The following PLAC8L1 variants were observed in gnomAD, a reference collection of about 807,000 sequenced individuals.
PLAC8L1 encodes PLAC8-like protein 1.
A neutral mutation model predicts 16.3 loss-of-function variants in PLAC8L1; 13 were observed. The ratio of observed to expected loss-of-function variants is 0.80; its 90% CI spans 0.52 to 1.27. The LOEUF (loss-of-function observed/expected upper bound fraction) is 1.27, where lower values mean the gene tolerates loss of function less well. Ranked by LOEUF, PLAC8L1 falls within the 50% of genes most tolerant of loss-of-function variation. The pLI is 0.00. For missense variants in PLAC8L1, 184 were observed against 220.2 expected (o/e 0.84, Z 1.04); for synonymous variants, 78 against 79.3 (o/e 0.98, Z 0.09).
chr5:146,099,050 C>T (rs1208919331), intron 1 of PLAC8L1, among the ~76,000 whole-genome samples: 1 of 152,056 alleles, frequency 6.6e-6, no homozygotes, highest in African/African-American at 2.4e-5. Flanking sequence ...GCTTCAAAAG[C>T]GAGGTAAGGA....
At chr5:146,091,797 C>A (rs1763622801) in intron 2 of PLAC8L1, among the ~76,000 whole-genome samples, 1 of 152,016 alleles carries the variant, frequency 6.6e-6, no homozygotes, top group African/African-American at 2.4e-5. Flanking sequence ...TAAGACCCTG[C>A]CTCTATAAAT....
intron 2 of PLAC8L1, among the ~76,000 whole-genome samples, chr5:146,088,160 A>T (rs936173749): frequency 1.3e-5 from 2 of 152,090 alleles, no homozygotes; most frequent in African/African-American, 4.8e-5. Context: ...TTTTGTAGAG[A>T]TGGGGTCTCC....
intron 2 of PLAC8L1, 78 bp from the exon 3 acceptor site, chr5:146,085,675 C>T (rs1484007235): frequency 8.8e-6 from 13 of 1,480,488 alleles, no homozygotes; most frequent in East Asian, 2.3e-5. Context: ...ATATTTACAA[C>T]ATTATGCCAC....
chr5:146,090,281 C>A (rs894473910), intron 2 of PLAC8L1, among the ~76,000 whole-genome samples: 7 of 152,040 alleles, frequency 4.6e-5, no homozygotes, highest in Admixed American at 1.3e-4. Flanking sequence ...TGCCTGTAAT[C>A]CCAACACTTT....
intron 1 of PLAC8L1, chr5:146,103,916 G>T (rs564232530): frequency 7.9e-4 from 780 of 985,226 alleles, no homozygotes; most frequent in Non-Finnish European, 9.1e-4. Flanking sequence ...GAAATGATTG[G>T]CAGTCTCTAA....
At chr5:146,088,324 T>C (rs536915905) in intron 2 of PLAC8L1, among the ~76,000 whole-genome samples, 29 of 152,318 alleles carry the variant, frequency 1.9e-4, no homozygotes, top group Non-Finnish European at 3.8e-4. Flanking sequence ...TTTATTTTAG[T>C]TACTCTTGTG....
At chr5:146,095,584 A>C (rs931317295) in intron 2 of PLAC8L1, among the ~76,000 whole-genome samples, 1 of 152,218 alleles carries the variant, frequency 6.6e-6, no homozygotes, top group African/African-American at 2.4e-5. Context: ...TTTTTTTTAA[A>C]TAACAGTAGT....
chr5:146,099,067 T>G (rs942018051), intron 1 of PLAC8L1, among the ~76,000 whole-genome samples: 6 of 152,134 alleles, frequency 3.9e-5, no homozygotes, highest in African/African-American at 1.4e-4. Flanking sequence ...AGGAAAAACT[T>G]CTCTTTCTGA....
At chr5:146,104,150 C>T (rs12187128) in intron 1 of PLAC8L1, 43 bp downstream of exon 1, 438,613 of 1,601,422 alleles carry the variant, frequency 0.27, 63,980 homozygotes, top group Admixed American at 0.41. Context: ...GATAGTCCAA[C>T]TAAAGAGCAA....
intron 1 of PLAC8L1, 53 bp downstream of exon 1, chr5:146,104,140 G>C: frequency 1.3e-6 from 2 of 1,594,884 alleles, no homozygotes; most frequent in Non-Finnish European, 1.7e-6. Context: ...AGGTTGATTC[G>C]ATAGTCCAAC....
At chr5:146,091,792 C>A (rs1272086607) in intron 2 of PLAC8L1, among the ~76,000 whole-genome samples, 2 of 152,058 alleles carry the variant, frequency 1.3e-5, no homozygotes, top group African/African-American at 2.4e-5. Context: ...ACAAGTAAGA[C>A]CCTGCCTCTA....
Position 146,105,084 on chromosome 5 carries a change from G to T in PLAC8L1, c.-773C>A, listed in dbSNP as rs549443880. 6.6e-5 allele frequency among the ~76,000 whole-genome samples: 10 copies of T among 152,266 alleles called. No individual in the cohort carries two copies. The highest frequency in any genetic ancestry group is 2.4e-4 in the African/African-American group (10 of 41,540). ...TGCCTCTGGCACATGTCTTATGGAGGTGTGGACCCTAGAAATATTAGGAAA... is the reference window on the plus strand; with the variant it reads ...TGCCTCTGGCACATGTCTTATGGAGTTGTGGACCCTAGAAATATTAGGAAA... On this transcript the variant is annotated 5_prime_UTR_variant, in exon 1 of 4. Transcript: ENST00000311450.
chr5:146,091,089 G>A (rs1435798562), intron 2 of PLAC8L1, among the ~76,000 whole-genome samples: 2 of 152,076 alleles, frequency 1.3e-5, no homozygotes, highest in Admixed American at 1.3e-4. Context: ...TATATTGTGG[G>A]GAGCCATGAA....
At chr5:146,102,916 G>C (rs1430612953) in intron 1 of PLAC8L1, among the ~76,000 whole-genome samples, 1 of 152,140 alleles carries the variant, frequency 6.6e-6, no homozygotes, top group East Asian at 1.9e-4. Context: ...TGAAGTCGAT[G>C]GCCACTGTTA....
chr5:146,094,688 C>T (rs1763681782), intron 2 of PLAC8L1, among the ~76,000 whole-genome samples: 1 of 152,162 alleles, frequency 6.6e-6, no homozygotes, highest in African/African-American at 2.4e-5. Flanking sequence ...CACAGAGACA[C>T]CCATTTGCTA....
At chr5:146,099,324 C>T (rs996660525) in intron 1 of PLAC8L1, 1 of 152,126 alleles carries the variant, frequency 6.6e-6, no homozygotes, top group Admixed American at 6.5e-5. Flanking sequence ...AAGAGCCTGC[C>T]TCATAGTTGA....
At chr5:146,100,016 A>C (rs1166048184) in intron 1 of PLAC8L1, among the ~76,000 whole-genome samples, 1 of 152,200 alleles carries the variant, frequency 6.6e-6, no homozygotes, top group Non-Finnish European at 1.5e-5. Context: ...GTTTCCAAGA[A>C]TGAGGTACAG....
At position 146,105,069 on chromosome 5, in the gene PLAC8L1, A is replaced by G. The variant is rs2150040008; in HGVS notation, c.-758T>C. Among the ~76,000 whole-genome samples the G allele has an allele frequency of 6.6e-6, 1 of 152,334 alleles. No individual in the cohort carries two copies. The highest frequency in any genetic ancestry group is 1.9e-4 in the East Asian group (1 of 5,192). On this transcript the variant is annotated 5_prime_UTR_variant, in exon 1 of 4. Coordinates refer to ENST00000311450, the MANE Select transcript of PLAC8L1 (RefSeq NM_001029869.3). ...GGAGCCTCTGAATCATGCCTCTGGC[A>G]CATGTCTTATGGAGGTGTGGACCCT...
intron 2 of PLAC8L1, among the ~76,000 whole-genome samples, chr5:146,088,425 G>A (rs768115670): frequency 7.2e-5 from 11 of 152,114 alleles, no homozygotes; most frequent in Admixed American, 1.3e-4. Context: ...TCCTGACAAT[G>A]GTCTGTCTCT....
Sources: gnomAD v4.1 joint callset for allele counts (sites outside exome capture counted in the v4.1 genomes callset) on GRCh38, gnomAD v4.1.1 for gene constraint, MANE v1.5 for transcripts, NCBI Gene and HGNC (gene_info 2026-07-23, HGNC 2026-07-21) for gene names.